Variants in KLHL5 observed in about 807,000 individuals in gnomAD.
KLHL5 encodes the protein kelch-like protein 5.
In KLHL5, 48 loss-of-function variants were observed where a neutral mutation model predicts 77.7. The observed-to-expected ratio is 0.62, with a 90% CI of 0.49 to 0.79. The LOEUF is 0.79. Among genes scored for constraint, KLHL5 ranks in the 30% least tolerant of loss-of-function variants. The probability of loss-of-function intolerance (pLI) is 0.00; values close to 1 mark genes in which losing one functional copy is unlikely to be tolerated. For missense variants in KLHL5, 723 were observed against 859.7 expected (o/e 0.84, Z 1.99); for synonymous variants, 260 against 297.0 (o/e 0.88, Z 1.28).
intron 10 of KLHL5, 167 bp downstream of exon 10, chr4:39,115,497 CAT>C: frequency 6.7e-7 from 1 of 1,489,558 alleles, no homozygotes; most frequent in Non-Finnish European, 8.9e-7. Context: ...AATTTTATAA[CAT>C]AATTAAAATC....
chr4:39,140,127 G>A, the KLHL5 span, among the ~76,000 whole-genome samples: 4 of 152,034 alleles, frequency 2.6e-5, no homozygotes, highest in African/African-American at 7.3e-5. Flanking sequence ...CTTGGGGGGG[G>A]CTGGGGCAGG....
At chr4:39,115,740 G>T in intron 10 of KLHL5, 1 of 1,119,986 alleles carries the variant, frequency 8.9e-7, no homozygotes, top group South Asian at 2.7e-5. Context: ...TTGATATCTG[G>T]GAGCAGATTA....
intron 1 of KLHL5, among the ~76,000 whole-genome samples, chr4:39,046,952 A>G (rs1716236887): frequency 6.6e-6 from 1 of 152,198 alleles, no homozygotes; most frequent in Admixed American, 6.5e-5. Flanking sequence ...CAAGATTCTG[A>G]GCTCAAGTAA....
chr4:39,083,025 TA>T (rs1719751930), intron 4 of KLHL5, among the ~76,000 whole-genome samples: 1 of 152,154 alleles, frequency 6.6e-6, no homozygotes, highest in African/African-American at 2.4e-5. Context: ...AAAATGTGAA[TA>T]TTCACATACA....
At chr4:39,084,222 G>A (rs957004555) in intron 4 of KLHL5, among the ~76,000 whole-genome samples, 5 of 152,242 alleles carry the variant, frequency 3.3e-5, no homozygotes, top group South Asian at 2.1e-4. Context: ...TGAATGGTGC[G>A]TGGACTGGGG....
At chr4:39,045,349 C>T (rs1252208436) in intron 1 of KLHL5, among the ~76,000 whole-genome samples, 1 of 151,452 alleles carries the variant, frequency 6.6e-6, no homozygotes, top group African/African-American at 2.4e-5. Flanking sequence ...AGCGCCGGAG[C>T]CGGCGCCCGG....
intron 10 of KLHL5, among the ~76,000 whole-genome samples, chr4:39,116,733 G>C (rs1224139982): frequency 6.6e-6 from 1 of 152,150 alleles, no homozygotes; most frequent in African/African-American, 2.4e-5. Context: ...TCAGAATGGA[G>C]ATCTGTGAGA....
chr4:39,103,498 T>C lies in KLHL5; in HGVS notation c.1512T>C (p.His504=). 1 of 1,613,668 alleles carries C rather than the reference T, an allele frequency of 6.2e-7. No individual in the cohort carries two copies. The highest frequency in any genetic ancestry group is 8.5e-7 in the Non-Finnish European group (1 of 1,179,586). ...TWSVMPPMST[H]RHGLGVAVLE... The stretch of plus-strand genomic sequence containing the variant: ...GTGTGATGCCACCTATGTCCACACA[T>C]AGACATGGCCTTGGTAAGTACAACT... Residue 504 remains histidine (H), a synonymous_variant, in exon 7 of 11, where the codon CAT becomes CAC. Transcript: ENST00000504108.
At chr4:39,080,348 G>A (rs546862437) in intron 2 of KLHL5, among the ~76,000 whole-genome samples, 7 of 151,964 alleles carry the variant, frequency 4.6e-5, no homozygotes, top group African/African-American at 1.2e-4. Context: ...CCATCATGGC[G>A]AAACTCCATC....
At chr4:39,126,424 G>C (rs1352370739), downstream of KLHL5, among the ~76,000 whole-genome samples, 1 of 151,982 alleles carries the variant, frequency 6.6e-6, no homozygotes, top group Non-Finnish European at 1.5e-5. Context: ...GTGTTTTTTT[G>C]TATCTTCTCC....
chr4:39,102,525 C>A (rs963313153), intron 6 of KLHL5, among the ~76,000 whole-genome samples: 8 of 152,160 alleles, frequency 5.3e-5, no homozygotes, highest in Non-Finnish European at 1.2e-4. Flanking sequence ...TCCCTCCTCC[C>A]GTGAAAGACA....
intron 1 of KLHL5, among the ~76,000 whole-genome samples, chr4:39,066,121 C>T (rs1381777518): frequency 6.6e-6 from 1 of 152,156 alleles, no homozygotes; most frequent in African/African-American, 2.4e-5. Context: ...GCCTAGCTAC[C>T]TTTTCTCCAT....
At chr4:39,111,505 G>GGTGTGCACAC (rs537498791) in intron 8 of KLHL5, among the ~76,000 whole-genome samples, 2 of 151,878 alleles carry the variant, frequency 1.3e-5, no homozygotes, top group African/African-American at 4.8e-5. Context: ...GGTATGTGTG[G>GGTGTGCACAC]GTGTGCACAC....
At chr4:39,056,058 A>C (rs1404052389) in intron 1 of KLHL5, among the ~76,000 whole-genome samples, 1 of 152,196 alleles carries the variant, frequency 6.6e-6, no homozygotes, top group Non-Finnish European at 1.5e-5. Context: ...TTGACTGCTT[A>C]GTTTTCAGTC....
chr4:39,047,863 A>G (rs1218745831), intron 1 of KLHL5, among the ~76,000 whole-genome samples: 1 of 152,270 alleles, frequency 6.6e-6, no homozygotes, highest in African/African-American at 2.4e-5. Context: ...AGAACACAGT[A>G]CAGAGTGGAA....
rs995976802 is a variant in KLHL5, at chr4:39,062,640, G to C, written c.-13G>C. 6.2e-7 allele frequency: 1 copy of C among 1,614,124 alleles called. No individual in the cohort carries two copies. The highest frequency in any genetic ancestry group is 1.7e-5 in the Admixed American group (1 of 60,018). Reference sequence around the variant, plus strand: ...TTGCCCGTTGCCTAGACGATCACTTGGTTTCTCTGAGGATGTCTGGTTCTC... The same window carrying C: ...TTGCCCGTTGCCTAGACGATCACTTCGTTTCTCTGAGGATGTCTGGTTCTC... On this transcript the variant is annotated 5_prime_UTR_variant, in exon 1 of 11. Coordinates refer to ENST00000504108, the MANE Select transcript of KLHL5 (RefSeq NM_015990.5).
Position 39,124,503 on chromosome 4 carries a change from A to T in KLHL5, c.*3437A>T, listed in dbSNP as rs772590632. Among the ~76,000 whole-genome samples, 13 of 152,184 alleles carry T rather than the reference A, an allele frequency of 8.5e-5. No homozygotes were observed. Among genetic ancestry groups the T allele is most frequent in the Non-Finnish European group, 1.8e-4 (12 of 68,008 alleles). On this transcript the variant is annotated 3_prime_UTR_variant, in exon 11 of 11. Coordinates refer to ENST00000504108, the MANE Select transcript of KLHL5 (RefSeq NM_015990.5). Reference sequence around the variant, plus strand: ...GAGTAGAATGGAAAGTCCAGAAACAAATTACGCCAATACACTATGGTCAAT... The same window carrying T: ...GAGTAGAATGGAAAGTCCAGAAACATATTACGCCAATACACTATGGTCAAT...
upstream of KLHL5, among the ~76,000 whole-genome samples, chr4:39,059,590 A>T (rs1167825329): frequency 6.6e-6 from 1 of 152,102 alleles, no homozygotes; most frequent in Non-Finnish European, 1.5e-5. Context: ...CTACTAAAAA[A>T]AACAAAAATT....
intron 2 of KLHL5, 142 bp from the exon 3 acceptor site, chr4:39,080,961 C>A: frequency 1.4e-6 from 1 of 726,792 alleles, no homozygotes; most frequent in South Asian, 2.7e-5. Context: ...GGAACTAGAG[C>A]ATAAAGCAAT....
Sources: gnomAD v4.1 joint callset for allele counts (sites outside exome capture counted in the v4.1 genomes callset) on GRCh38, gnomAD v4.1.1 for gene constraint, MANE v1.5 for transcripts, NCBI Gene and HGNC (gene_info 2026-07-23, HGNC 2026-07-21) for gene names.